The following TET1 variants were observed in gnomAD, a reference collection of about 807,000 sequenced individuals.
TET1 encodes methylcytosine dioxygenase TET1.
In TET1, 13 loss-of-function variants were observed where a neutral mutation model predicts 148.7. That is an observed-to-expected ratio of 0.09 (90% CI 0.06 to 0.14). The LOEUF (loss-of-function observed/expected upper bound fraction) is 0.14, where lower values mean the gene tolerates loss of function less well. Ranked by LOEUF, TET1 falls within the 10% of genes least tolerant of loss-of-function variation. The probability of loss-of-function intolerance (pLI) is 1.00; values close to 1 mark genes in which losing one functional copy is unlikely to be tolerated. For synonymous variants in TET1, 907 were observed against 937.2 expected, an observed-to-expected ratio of 0.97 and a Z score of 0.59; for missense variants, 2,182 against 2,553.8, an observed-to-expected ratio of 0.85 and a Z score of 3.14.
chr10:68,683,767 T>C (rs999078717), intron 10 of TET1, among the ~76,000 whole-genome samples: 7 of 152,344 alleles, frequency 4.6e-5, no homozygotes, highest in Admixed American at 2.6e-4. Context: ...AAGTTGAGCA[T>C]GTTACTTGAT....
chr10:68,588,589 A>T (rs574765210), intron 2 of TET1, among the ~76,000 whole-genome samples: 1 of 152,276 alleles, frequency 6.6e-6, no homozygotes, highest in East Asian at 1.9e-4. Context: ...GGAATAAGTC[A>T]TGTTGAGGTT....
chr10:68,580,127 C>T (rs1466861768), intron 2 of TET1, among the ~76,000 whole-genome samples: 2 of 151,442 alleles, frequency 1.3e-5, no homozygotes, highest in African/African-American at 4.8e-5. Context: ...GGGGTTTCTC[C>T]ATGTTGGTCA....
intron 2 of TET1, among the ~76,000 whole-genome samples, chr10:68,585,352 T>C (rs978570014): frequency 6.6e-6 from 1 of 152,154 alleles, no homozygotes; most frequent in African/African-American, 2.4e-5. Flanking sequence ...CAGGGTGGTC[T>C]TGAACTCCTG....
chr10:68,617,922 T>TC (rs1188298100), intron 3 of TET1, among the ~76,000 whole-genome samples: 2 of 151,436 alleles, frequency 1.3e-5, no homozygotes. Context: ...TCTTTCTTTC[T>TC]CTTTTTTTTT....
At chr10:68,624,469 AG>A (rs1250450539) in intron 3 of TET1, among the ~76,000 whole-genome samples, 1 of 151,294 alleles carries the variant, frequency 6.6e-6, no homozygotes, top group Non-Finnish European at 1.5e-5. Context: ...TTATATTTTT[AG>A]TAGAGGCAGG....
intron 8 of TET1, among the ~76,000 whole-genome samples, chr10:68,675,592 G>T (rs749394228): frequency 7.0e-6 from 1 of 143,418 alleles, no homozygotes; most frequent in Non-Finnish European, 1.5e-5. Flanking sequence ...TTGAGTCTGG[G>T]TCTCGCTCTG....
At chr10:68,565,023 A>G (rs891731934) in intron 1 of TET1, among the ~76,000 whole-genome samples, 1 of 152,204 alleles carries the variant, frequency 6.6e-6, no homozygotes, top group Non-Finnish European at 1.5e-5. Flanking sequence ...ACCTGTCTCA[A>G]AAAAACAAAA....
intron 8 of TET1, among the ~76,000 whole-genome samples, chr10:68,681,032 T>A (rs145156164): frequency 6.6e-6 from 1 of 152,374 alleles, no homozygotes; most frequent in Non-Finnish European, 1.5e-5. Context: ...GTAACCAAGT[T>A]ACTTGCCATT....
chr10:68,573,899 A>G lies in TET1; in HGVS notation c.1561A>G (p.Arg521Gly). ...NTQGFPLAPE[R>G]GLFHASLGIA... ...TCAGGGGTTCCCATTAGCCCCTGAG[A>G]GAGGACTCTTCCATGCTTCACTGGG... is the stretch of plus-strand genomic sequence containing the variant. Residue 521 changes from arginine (R) to glycine (G), a missense_variant, in exon 2 of 12, where the codon AGA becomes GGA. Coordinates refer to ENST00000373644, the MANE Select transcript of TET1 (RefSeq NM_030625.3). 1 of 1,614,164 alleles carries G rather than the reference A, an allele frequency of 6.2e-7. No individual in the cohort carries two copies. The highest frequency in any genetic ancestry group is 8.5e-7 in the Non-Finnish European group (1 of 1,180,018).
chr10:68,630,249 G>A (rs1374061544), intron 3 of TET1, among the ~76,000 whole-genome samples: 1 of 152,142 alleles, frequency 6.6e-6, no homozygotes, highest in Non-Finnish European at 1.5e-5. Flanking sequence ...TATTAAGTGG[G>A]TACTGGGATT....
In TET1 at chr10:68,691,730, A is replaced by G. The variant is rs755055434; in HGVS notation, c.6327A>G (p.Ala2109=). Residue 2109 remains alanine, a synonymous_variant, in exon 12 of 12, where the codon GCA becomes GCG. Coordinates refer to ENST00000373644, the MANE Select transcript of TET1 (RefSeq NM_030625.3). This position sits in a 1 kb window ranked among gnomAD's most constrained non-coding sequence, Gnocchi z 4.4. ...NELNQIPSHK[A]LTLTHDNVVT... ...TGAACCAAATTCCTTCTCATAAAGC[A>G]TTAACATTAACCCATGACAATGTTG... 4 of 1,614,060 alleles carry G rather than the reference A, an allele frequency of 2.5e-6. No individual in the cohort carries two copies. The highest frequency in any genetic ancestry group is 1.1e-5 in the South Asian group (1 of 91,094).
At chr10:68,634,775 T>C (rs1482470360) in intron 3 of TET1, among the ~76,000 whole-genome samples, 3 of 152,130 alleles carry the variant, frequency 2.0e-5, no homozygotes, top group Admixed American at 6.5e-5. Flanking sequence ...TGTTTGTTTG[T>C]TTGTTTTGAG....
rs763178520 is a variant in TET1, at chr10:68,572,422, A to G, written c.84A>G (p.Arg28=). 1 of 1,613,782 alleles carries G rather than the reference A, an allele frequency of 6.2e-7. No individual in the cohort carries two copies. The highest frequency in any genetic ancestry group is 1.3e-5 in the African/African-American group (1 of 74,988). ...AAAAAAAGAAAAACAGCCAACTACG[A>G]AAGACAACCAAGGGAGCCAACAAAA... ...VNKKKKNSQL[R]KTTKGANKNV... The change falls in exon 2 of 12, where the codon CGA becomes CGG. Residue 28 remains arginine, a synonymous_variant. Transcript: ENST00000373644.
intron 6 of TET1, among the ~76,000 whole-genome samples, chr10:68,666,121 A>T (rs1206889053): frequency 2.7e-5 from 4 of 147,792 alleles, no homozygotes; most frequent in African/African-American, 9.9e-5. Flanking sequence ...TTTGTATAGA[A>T]TTTTTTTTTT....
chr10:68,617,913 C>A (rs1323791606), intron 3 of TET1, among the ~76,000 whole-genome samples: 2 of 151,584 alleles, frequency 1.3e-5, no homozygotes, highest in Non-Finnish European at 2.9e-5. Flanking sequence ...TCTTGAATTT[C>A]TTTCTTTCTC....
At chr10:68,613,877 G>A (rs573049303) in intron 3 of TET1, among the ~76,000 whole-genome samples, 237 of 151,796 alleles carry the variant, frequency 1.6e-3, no homozygotes, top group Middle Eastern at 6.8e-3. Context: ...GACACTGGTT[G>A]CAGTGAGCCG....
At chr10:68,664,305 G>A (rs2055163957) in intron 6 of TET1, among the ~76,000 whole-genome samples, 1 of 151,850 alleles carries the variant, frequency 6.6e-6, no homozygotes, top group Non-Finnish European at 1.5e-5. Context: ...TATATATTAT[G>A]CCAAATATAT....
At chr10:68,594,370 A>G (rs1392193482) in intron 2 of TET1, among the ~76,000 whole-genome samples, 1 of 152,226 alleles carries the variant, frequency 6.6e-6, no homozygotes, top group African/African-American at 2.4e-5. Flanking sequence ...AGTTTGTCTC[A>G]GTTGGTAACT....
chr10:68,642,205 T>C (rs543938313), intron 3 of TET1, among the ~76,000 whole-genome samples: 1 of 152,290 alleles, frequency 6.6e-6, no homozygotes, highest in South Asian at 2.1e-4. Flanking sequence ...GGCAGGAGAC[T>C]TGCTTCAGTC....
Sources: allele counts gnomAD v4.1 joint callset (sites outside exome capture counted in the v4.1 genomes callset), GRCh38; gene constraint gnomAD v4.1.1; non-coding constraint Gnocchi (gnomAD v3.1); transcripts MANE v1.5; gene names NCBI Gene and HGNC (gene_info 2026-07-23, HGNC 2026-07-21).